The following SCMH1 variants were observed in gnomAD, a reference collection of about 807,000 sequenced individuals.
SCMH1 encodes polycomb protein SCMH1.
A neutral mutation model predicts 70.8 loss-of-function variants in SCMH1; 37 were observed. The observed-to-expected ratio is 0.52, with a 90% CI of 0.40 to 0.69. The LOEUF is 0.69. Ranked by LOEUF, SCMH1 falls within the 30% of genes least tolerant of loss-of-function variation. The pLI is 0.00. For synonymous variants in SCMH1, 292 were observed against 307.4 expected (o/e 0.95, Z 0.52); for missense variants, 607 against 827.3 (o/e 0.73, Z 3.27).
chr1:41,229,176 A>G (rs996861448), intron 1 of SCMH1, among the ~76,000 whole-genome samples: 1 of 151,868 alleles, frequency 6.6e-6, no homozygotes, highest in African/African-American at 2.4e-5. Flanking sequence ...AGCCTAGGCA[A>G]CAAGAGCAAA....
chr1:41,156,375 A>C (rs1211186500), intron 4 of SCMH1, among the ~76,000 whole-genome samples: 1 of 152,222 alleles, frequency 6.6e-6, no homozygotes, highest in East Asian at 1.9e-4. Flanking sequence ...ATAGTGTTCC[A>C]TGTACCAAAA....
At chr1:41,033,171 C>A (rs1644791732) in intron 13 of SCMH1, among the ~76,000 whole-genome samples, 1 of 151,440 alleles carries the variant, frequency 6.6e-6, no homozygotes, top group African/African-American at 2.4e-5. Flanking sequence ...GCAGTCCCAA[C>A]TACTTGGAAG....
At chr1:41,051,381 TATC>T (rs1355637480) in intron 10 of SCMH1, among the ~76,000 whole-genome samples, 1 of 152,246 alleles carries the variant, frequency 6.6e-6, no homozygotes, top group Non-Finnish European at 1.5e-5. Flanking sequence ...GTATACTTCT[TATC>T]ATTATTGTAG....
intron 8 of SCMH1, among the ~76,000 whole-genome samples, chr1:41,088,728 T>C (rs1662450445): frequency 6.6e-6 from 1 of 152,220 alleles, no homozygotes; most frequent in Non-Finnish European, 1.5e-5. Context: ...TTTAAGTACT[T>C]TAACCATCTA....
chr1:41,153,885 A>C (rs1645285762), intron 4 of SCMH1, among the ~76,000 whole-genome samples: 1 of 152,226 alleles, frequency 6.6e-6, no homozygotes, highest in South Asian at 2.1e-4. Flanking sequence ...TAAAGTAACC[A>C]CAAAAGAAAT....
At chr1:41,039,056 G>T (rs1471041605) in intron 12 of SCMH1, among the ~76,000 whole-genome samples, 3 of 152,186 alleles carry the variant, frequency 2.0e-5, no homozygotes, top group Non-Finnish European at 4.4e-5. Flanking sequence ...GAGTTGAAGT[G>T]GCAAATCTAA....
intron 2 of SCMH1, 37 bp downstream of exon 2, chr1:41,186,084 C>A (rs766445784): frequency 3.2e-6 from 5 of 1,545,620 alleles, no homozygotes; most frequent in East Asian, 2.5e-5. Context: ...GTCTCTTAAT[C>A]CCTCTTACCT....
At chr1:41,185,232 TA>T (rs926322769) in intron 2 of SCMH1, among the ~76,000 whole-genome samples, 1 of 151,998 alleles carries the variant, frequency 6.6e-6, no homozygotes, top group East Asian at 1.9e-4. Context: ...TAATAAGGAT[TA>T]AAAAAAACAA....
chr1:41,143,183 A>T, intron 5 of SCMH1, 71 bp from the exon 6 acceptor site: 1 of 1,234,566 alleles, frequency 8.1e-7, no homozygotes, highest in Non-Finnish European at 1.2e-6. Context: ...TTGGATTCAG[A>T]TTGGTTATAG....
chr1:41,215,807 T>C (rs1169183225), intron 1 of SCMH1, among the ~76,000 whole-genome samples: 2 of 152,202 alleles, frequency 1.3e-5, no homozygotes, highest in East Asian at 3.8e-4. Flanking sequence ...CTAAGGGATG[T>C]CTCATTCATG....
At chr1:41,241,185 T>C (rs981100984) in intron 1 of SCMH1, among the ~76,000 whole-genome samples, 1 of 152,200 alleles carries the variant, frequency 6.6e-6, no homozygotes, top group Non-Finnish European at 1.5e-5. Flanking sequence ...TCGGGGGGAT[T>C]TGGGGATTTT....
At chr1:41,061,406 C>G (rs1210810151) in intron 10 of SCMH1, among the ~76,000 whole-genome samples, 3 of 152,124 alleles carry the variant, frequency 2.0e-5, no homozygotes, top group Non-Finnish European at 2.9e-5. Flanking sequence ...CATGCTAACA[C>G]TAATCAAAAG....
intron 9 of SCMH1, among the ~76,000 whole-genome samples, chr1:41,071,525 T>G (rs1384861189): frequency 6.6e-6 from 1 of 152,214 alleles, no homozygotes; most frequent in African/African-American, 2.4e-5. Flanking sequence ...TAAATAAATT[T>G]TTTTAATGAA....
chr1:41,033,955 A>G (rs1379142401), intron 13 of SCMH1, 28 bp downstream of exon 14: 1 of 1,613,820 alleles, frequency 6.2e-7, no homozygotes, highest in African/African-American at 1.3e-5. Flanking sequence ...CTTGGGGAAG[A>G]TAAAAATAAC....
intron 8 of SCMH1, among the ~76,000 whole-genome samples, chr1:41,103,377 A>C (rs1424267874): frequency 6.6e-6 from 1 of 152,108 alleles, no homozygotes; most frequent in Non-Finnish European, 1.5e-5. Flanking sequence ...CCTGACCTCC[A>C]GTGATCCATT....
At chr1:41,127,450 T>A (rs929785545) in intron 6 of SCMH1, among the ~76,000 whole-genome samples, 1 of 152,164 alleles carries the variant, frequency 6.6e-6, no homozygotes, top group Non-Finnish European at 1.5e-5. Context: ...CTAGTACTTA[T>A]ATAGTCATTT....
intron 4 of SCMH1, among the ~76,000 whole-genome samples, chr1:41,160,512 G>T (rs213735): frequency 0.75 from 114,491 of 151,900 alleles, 43,768 homozygotes; most frequent in African/African-American, 0.88. Context: ...TAATTTTTTT[G>T]GGGGAAAAAT....
At chr1:41,048,786 A>G (rs112636959) in exon 11 of SCMH1, 8 of 1,614,198 alleles carry the variant, frequency 5.0e-6, no homozygotes, top group South Asian at 3.3e-5. Flanking sequence ...GCCTGCTGCA[A>G]CACCACAGAG....
At chr1:41,097,765 T>C (rs1665486727) in intron 8 of SCMH1, among the ~76,000 whole-genome samples, 1 of 152,234 alleles carries the variant, frequency 6.6e-6, no homozygotes, top group Non-Finnish European at 1.5e-5. Flanking sequence ...AACCCATCAT[T>C]ACCTCTATTC....
Sources: allele counts gnomAD v4.1 joint callset (sites outside exome capture counted in the v4.1 genomes callset), GRCh38; gene constraint gnomAD v4.1.1; transcripts MANE v1.5; gene names NCBI Gene and HGNC (gene_info 2026-07-23, HGNC 2026-07-21).